Variants in FSTL5 observed in about 807,000 individuals in gnomAD.
FSTL5 encodes follistatin-related protein 5.
FSTL5 carries 62 observed loss-of-function variants against 89.1 expected under a neutral mutation model. The ratio of observed to expected loss-of-function variants is 0.70; its 90% confidence interval spans 0.57 to 0.86. FSTL5 has a LOEUF of 0.86. FSTL5 is among the 40% of genes least tolerant of loss of function. FSTL5 has a pLI of 0.00. For missense variants in FSTL5, 1,057 were observed against 1,001.6 expected (o/e 1.06, Z -0.75); for synonymous variants, 383 against 346.2 (o/e 1.11, Z -1.18).
At chr4:161,460,789 A>G (rs1733537950) in intron 13 of FSTL5, among the ~76,000 whole-genome samples, 1 of 151,978 alleles carries the variant, frequency 6.6e-6, no homozygotes, top group Admixed American at 6.6e-5. Context: ...GAGAGTCACT[A>G]TACTGTTTTG....
intron 1 of FSTL5, among the ~76,000 whole-genome samples, chr4:162,112,066 A>C (rs917412912): frequency 6.6e-6 from 1 of 152,192 alleles, no homozygotes; most frequent in African/African-American, 2.4e-5. Flanking sequence ...AAGTTGTAAA[A>C]TGGCATAAAC....
chr4:162,014,837 A>G (rs1560970861), intron 3 of FSTL5, among the ~76,000 whole-genome samples: 1 of 152,242 alleles, frequency 6.6e-6, no homozygotes, highest in East Asian at 1.9e-4. Flanking sequence ...GACTAACTTT[A>G]TAAACACGTT....
At chr4:161,931,701 C>T (rs549887298) in intron 3 of FSTL5, among the ~76,000 whole-genome samples, 2 of 151,880 alleles carry the variant, frequency 1.3e-5, no homozygotes, top group African/African-American at 2.4e-5. Flanking sequence ...AAAGTGGATG[C>T]CAGATTTGAG....
chr4:161,479,233 CATA>C (rs758477062), intron 13 of FSTL5, among the ~76,000 whole-genome samples: 103 of 152,052 alleles, frequency 6.8e-4, no homozygotes, highest in Middle Eastern at 3.4e-3. Context: ...CTTAGTATTT[CATA>C]ATAATAGGCA....
At chr4:162,034,402 G>T (rs139014021) in intron 2 of FSTL5, among the ~76,000 whole-genome samples, 1 of 152,024 alleles carries the variant, frequency 6.6e-6, no homozygotes, top group Non-Finnish European at 1.5e-5. Flanking sequence ...CTTTTCAACT[G>T]TCTTTGCTTT....
intron 13 of FSTL5, among the ~76,000 whole-genome samples, chr4:161,473,424 A>ATT (rs70937654): frequency 0.076 from 9,889 of 129,728 alleles, 1,226 homozygotes; most frequent in African/African-American, 0.23. Flanking sequence ...GTCTCTTGTA[A>ATT]TTTTTTTTTT....
At chr4:161,511,276 G>T (rs1730643855) in intron 10 of FSTL5, among the ~76,000 whole-genome samples, 1 of 151,980 alleles carries the variant, frequency 6.6e-6, no homozygotes, top group Admixed American at 6.6e-5. Flanking sequence ...GAACCCACAT[G>T]TGTATGTTTT....
intron 4 of FSTL5, among the ~76,000 whole-genome samples, chr4:161,807,361 T>G (rs1730001993): frequency 6.6e-6 from 1 of 152,128 alleles, no homozygotes; most frequent in Non-Finnish European, 1.5e-5. Context: ...CCATGGTTCC[T>G]AGCCCAGGAG....
At chr4:161,854,412 A>C (rs1462100714) in intron 4 of FSTL5, among the ~76,000 whole-genome samples, 1 of 152,146 alleles carries the variant, frequency 6.6e-6, no homozygotes, top group Non-Finnish European at 1.5e-5. Context: ...AACTACTGTG[A>C]AGTCCCTACA....
intron 6 of FSTL5, among the ~76,000 whole-genome samples, chr4:161,710,298 T>A (rs1579039461): frequency 6.6e-6 from 1 of 152,148 alleles, no homozygotes; most frequent in Admixed American, 6.5e-5. Context: ...CTAAATAATA[T>A]ACTTTTTAGA....
chr4:161,776,647 T>TTCAC (rs1448376863), intron 4 of FSTL5, among the ~76,000 whole-genome samples: 1 of 151,716 alleles, frequency 6.6e-6, no homozygotes, highest in Non-Finnish European at 1.5e-5. Context: ...ATTGATGACA[T>TTCAC]TCACACATAT....
chr4:161,946,042 T>C (rs1734724943), intron 3 of FSTL5, among the ~76,000 whole-genome samples: 2 of 152,170 alleles, frequency 1.3e-5, no homozygotes, highest in African/African-American at 2.4e-5. Context: ...ATATGGTATA[T>C]ATTTCCACAA....
chr4:161,755,540 A>C (rs897759542), intron 6 of FSTL5, among the ~76,000 whole-genome samples: 2 of 152,078 alleles, frequency 1.3e-5, no homozygotes, highest in African/African-American at 4.8e-5. Flanking sequence ...TAGATTTCTA[A>C]CTTCTTCTGC....
chr4:162,014,742 T>C (rs944655261), intron 3 of FSTL5, among the ~76,000 whole-genome samples: 2 of 151,978 alleles, frequency 1.3e-5, no homozygotes, highest in African/African-American at 4.8e-5. Context: ...AAAATCTTTT[T>C]TTAAAAGTCT....
At chr4:162,135,705 T>C (rs566518595) in intron 1 of FSTL5, among the ~76,000 whole-genome samples, 2 of 152,274 alleles carry the variant, frequency 1.3e-5, no homozygotes, top group African/African-American at 4.8e-5. Flanking sequence ...AGATTATAAC[T>C]GTATTGTTTA....
chr4:161,538,104 A>G, intron 10 of FSTL5, 62 bp downstream of exon 10: 1 of 1,535,934 alleles, frequency 6.5e-7, no homozygotes, highest in Non-Finnish European at 8.9e-7. Context: ...CTTTTTAAAA[A>G]AAGCTGTAAA....
chr4:161,924,434 T>C (rs755991227), intron 3 of FSTL5, among the ~76,000 whole-genome samples: 2 of 151,256 alleles, frequency 1.3e-5, no homozygotes, highest in South Asian at 4.1e-4. Context: ...TGTATCTAAA[T>C]TGAAATAAAC....
chr4:162,153,759 T>TGTATA (rs371894175), intron 1 of FSTL5, among the ~76,000 whole-genome samples: 1 of 100,122 alleles, frequency 1.0e-5, no homozygotes, highest in South Asian at 3.1e-4. Context: ...TACATGTATA[T>TGTATA]ATACATGTAT....
At chr4:162,068,595 A>G (rs531204115) in intron 2 of FSTL5, among the ~76,000 whole-genome samples, 1 of 152,110 alleles carries the variant, frequency 6.6e-6, no homozygotes, top group African/African-American at 2.4e-5. Context: ...AACTATAAAA[A>G]CCCAGATGAA....
Sources: allele counts gnomAD v4.1 joint callset (sites outside exome capture counted in the v4.1 genomes callset), GRCh38; gene constraint gnomAD v4.1.1; transcripts MANE v1.5; gene names NCBI Gene and HGNC (gene_info 2026-07-23, HGNC 2026-07-21).